TENM3: variants seen among roughly 807,000 people sequenced by gnomAD.
The protein encoded by TENM3 is teneurin transmembrane protein 3, also known as teneurin-3.
In TENM3, 63 loss-of-function variants were observed where a neutral mutation model predicts 255.1. The observed-to-expected ratio is 0.25, with a 90% CI of 0.20 to 0.30. TENM3 has a LOEUF of 0.30. TENM3 is among the 10% of genes least tolerant of loss of function. The pLI, the probability that TENM3 is intolerant of heterozygous loss-of-function variation, is 1.00. For synonymous variants in TENM3, 1,306 were observed against 1,322.3 expected, an observed-to-expected ratio of 0.99 and a Z score of 0.27; for missense variants, 2,929 against 3,461.1, an observed-to-expected ratio of 0.85 and a Z score of 3.86.
chr4:182,589,862 T>C (rs1746426428), intron 3 of TENM3, among the ~76,000 whole-genome samples: 1 of 151,874 alleles, frequency 6.6e-6, no homozygotes, highest in East Asian at 1.9e-4. Context: ...TAATCACAGC[T>C]ACTTGGGAGG....
At chr4:181,779,092 G>T in the TENM3 span, among the ~76,000 whole-genome samples, 1 of 152,002 alleles carries the variant, frequency 6.6e-6, no homozygotes, top group African/African-American at 2.4e-5. Flanking sequence ...TGGAGGCCTT[G>T]TTTATGTACC....
chr4:182,392,233 G>A (rs1402579393), intron 3 of TENM3, among the ~76,000 whole-genome samples: 2 of 152,154 alleles, frequency 1.3e-5, no homozygotes, highest in Non-Finnish European at 2.9e-5. Context: ...CTGCTCTACC[G>A]TACGGAGCTG....
the TENM3 span, among the ~76,000 whole-genome samples, chr4:181,997,204 C>T: frequency 1.3e-5 from 2 of 152,084 alleles, no homozygotes; most frequent in South Asian, 4.1e-4. Context: ...CTAGTTGATT[C>T]GTAAATAGTT....
chr4:181,530,072 A>C, the TENM3 span, among the ~76,000 whole-genome samples: 4 of 152,200 alleles, frequency 2.6e-5, no homozygotes, highest in Non-Finnish European at 5.9e-5. Flanking sequence ...AACTGTGTAC[A>C]ATTACATTTT....
At chr4:182,412,722 G>A (rs79153667) in intron 3 of TENM3, among the ~76,000 whole-genome samples, 2,159 of 151,144 alleles carry the variant, frequency 0.014, 41 homozygotes, top group African/African-American at 0.049. Flanking sequence ...AAAATTAGCC[G>A]GGTGGGTTAG....
the TENM3 span, among the ~76,000 whole-genome samples, chr4:181,605,552 AAG>A: frequency 6.8e-5 from 2 of 29,466 alleles, no homozygotes; most frequent in Admixed American, 9.8e-4. Context: ...GAAAGAAAGA[AAG>A]AAAGAAAGAA....
chr4:182,148,402 A>C (rs1348129693), intron 1 of TENM3, among the ~76,000 whole-genome samples: 1 of 152,124 alleles, frequency 6.6e-6, no homozygotes, highest in Middle Eastern at 3.2e-3. Flanking sequence ...ACCTAATTTG[A>C]ACTTTTTCTA....
chr4:182,006,657 T>C, the TENM3 span, among the ~76,000 whole-genome samples: 2 of 152,140 alleles, frequency 1.3e-5, no homozygotes, highest in Admixed American at 6.5e-5. Flanking sequence ...ACATGTTTTG[T>C]TAATTTTTTC....
chr4:181,449,841 T>C, the TENM3 span, among the ~76,000 whole-genome samples: 6 of 152,174 alleles, frequency 3.9e-5, no homozygotes, highest in Non-Finnish European at 7.3e-5. Flanking sequence ...AGAAAGGAGT[T>C]AATTTTGTTT....
chr4:182,778,362 A>G (rs1764867693), intron 24 of TENM3, among the ~76,000 whole-genome samples: 1 of 152,202 alleles, frequency 6.6e-6, no homozygotes, highest in African/African-American at 2.4e-5. Flanking sequence ...AAATCTCATT[A>G]TGCCAGTCAC....
Position 182,497,878 on chromosome 4 carries a change from A to ATATATATATATG in TENM3, c.512-103041_512-103040insATATATGTATAT, listed in dbSNP as rs1446346027. ...TATATATATATATATATATATATAT[A>ATATATATATATG]TATATCTCAACCTAGATGTATATAG... is the stretch of plus-strand genomic sequence containing the variant. On this transcript the variant is annotated intron_variant, in intron 3 of 27. Transcript: ENST00000511685. 2.2e-3 allele frequency among the ~76,000 whole-genome samples: 313 copies of ATATATATATATG among 142,982 alleles called. 2 individuals are homozygous for ATATATATATATG. The highest frequency in any genetic ancestry group is 6.8e-3 in the African/African-American group (253 of 37,184). The allele number at this position is 142,982 out of a possible 152,430, so 93.8% of individuals were successfully genotyped here.
chr4:182,598,198 A>T (rs564921541), intron 3 of TENM3, among the ~76,000 whole-genome samples: 82 of 152,204 alleles, frequency 5.4e-4, no homozygotes, highest in South Asian at 1.0e-3. Flanking sequence ...AATTAAAAAA[A>T]TTTTTTTTAA....
chr4:181,577,469 CACTGTAAAT>C, the TENM3 span, among the ~76,000 whole-genome samples: 2 of 151,942 alleles, frequency 1.3e-5, no homozygotes, highest in African/African-American at 4.8e-5. Flanking sequence ...TCAGTTCTCT[CACTGTAAAT>C]ACTCAAAGGG....
At chr4:181,662,472 C>T in the TENM3 span, among the ~76,000 whole-genome samples, 1 of 152,158 alleles carries the variant, frequency 6.6e-6, no homozygotes, top group Non-Finnish European at 1.5e-5. Context: ...TACTTCTCTG[C>T]ACAGCTTTTG....
At chr4:181,884,503 T>G in the TENM3 span, among the ~76,000 whole-genome samples, 1 of 152,182 alleles carries the variant, frequency 6.6e-6, no homozygotes, top group Non-Finnish European at 1.5e-5. Flanking sequence ...TTCTACCTTC[T>G]GTCTCTATGA....
chr4:182,449,211 G>GCGT (rs1773236992), intron 3 of TENM3: 1 of 19,968 alleles, frequency 5.0e-5, no homozygotes, highest in Admixed American at 9.4e-4. Flanking sequence ...GGCGGTGGTG[G>GCGT]CGGCGGCGGC....
rs1766961626 is a variant in TENM3 at position 182,801,424 on chromosome 4, G to A, written c.*1073G>A. On this transcript the variant is annotated 3_prime_UTR_variant, in exon 28 of 28. Coordinates refer to ENST00000511685, the MANE Select transcript of TENM3 (RefSeq NM_001080477.4). ...AGTAGACAACTAGGGCTGGTGGAAT[G>A]TAAGGGAAGAAGATTGAAAAAACGG... 6.6e-6 allele frequency: 1 copy of A among 152,190 alleles called. No individual in the cohort carries two copies. The highest frequency in any genetic ancestry group is 1.5e-5 in the Non-Finnish European group (1 of 68,038). 9.4% of individuals were successfully genotyped at this position (152,190 alleles called of 1,614,324 possible).
chr4:181,565,488 G>A, the TENM3 span, among the ~76,000 whole-genome samples: 4 of 152,142 alleles, frequency 2.6e-5, no homozygotes, highest in African/African-American at 4.8e-5. Flanking sequence ...GGTGGGAAAC[G>A]GGTACATAAA....
At chr4:181,534,703 T>C in the TENM3 span, among the ~76,000 whole-genome samples, 1,407 of 152,240 alleles carry the variant, frequency 9.2e-3, 28 homozygotes, top group African/African-American at 0.031. Flanking sequence ...ACACAGTTTA[T>C]TTCAGGGCAG....
Sources: gnomAD v4.1 joint callset for allele counts (sites outside exome capture counted in the v4.1 genomes callset) on GRCh38, gnomAD v4.1.1 for gene constraint, MANE v1.5 for transcripts, NCBI Gene and HGNC (gene_info 2026-07-23, HGNC 2026-07-21) for gene names.